The following DDIAS variants were observed in gnomAD, a reference collection of about 807,000 sequenced individuals.
DDIAS encodes DNA damage induced apoptosis suppressor.
A neutral mutation model predicts 15.7 loss-of-function variants in DDIAS; 14 were observed. The observed-to-expected ratio is 0.89, with a 90% CI of 0.59 to 1.39. The LOEUF is 1.39. Among genes scored for constraint, DDIAS ranks in the 40% most tolerant of loss-of-function variants. DDIAS has a pLI of 0.00. For missense variants in DDIAS, 1,035 were observed against 1,130.9 expected (o/e 0.92, Z 1.22); for synonymous variants, 355 against 395.9 (o/e 0.90, Z 1.23).
Position 82,933,996 on chromosome 11 carries a change from GA to G in DDIAS, c.2661del (p.Lys887AsnfsTer19), listed in dbSNP as rs866409690. 2.5e-6 allele frequency: 4 copies of G among 1,613,632 alleles called. No homozygotes were observed. In the East Asian group the frequency reaches 8.9e-5, roughly 36 times the overall value. On this transcript the variant is annotated frameshift_variant, in exon 6 of 6. Transcript: ENST00000533655. LOFTEE classifies it low-confidence loss of function (END_TRUNC). ...TTGGATTCCAAGGCATAGGTCTAGG[GA>G]AATGCCTTGCTGCCTATCATTTCCC... ...MLGFQGIGLG[K>X]CLAAYHFPDQ...
chr11:82,930,138 T>C lies in DDIAS; in HGVS notation c.276-19T>C, dbSNP rs75411967. 198 of 1,411,888 alleles carry C rather than the reference T, an allele frequency of 1.4e-4. No homozygotes were observed. The African/African-American group carries it at 2.6e-3, about 19-fold the overall frequency. The allele number at this position is 1,411,888 out of a possible 1,614,324, so 87.5% of individuals were successfully genotyped here. A position where few individuals can be genotyped will look rare whatever the true frequency, so the allele number is the denominator to read the frequency against. ...TCAAAGTTCATTGCTTCACATTTTT[T>C]ACTTTTTTTCCAATCAAGGTACATT... On this transcript the variant is annotated intron_variant, in intron 4 of 5. Transcript: ENST00000533655.
At chr11:82,918,733 CTA>C (rs1232788021) in intron 3 of DDIAS, among the ~76,000 whole-genome samples, 1 of 152,108 alleles carries the variant, frequency 6.6e-6, no homozygotes, top group Non-Finnish European at 1.5e-5. Flanking sequence ...ATTGTGTTGT[CTA>C]TGATTTCTTT....
At chr11:82,923,363 A>T (rs1442257413) in intron 3 of DDIAS, among the ~76,000 whole-genome samples, 2 of 152,166 alleles carry the variant, frequency 1.3e-5, no homozygotes, top group Non-Finnish European at 2.9e-5. Flanking sequence ...GAAATTCCTC[A>T]TGTTCATTTC....
chr11:82,919,693 G>C (rs1860705288), intron 3 of DDIAS, among the ~76,000 whole-genome samples: 1 of 152,144 alleles, frequency 6.6e-6, no homozygotes. Context: ...TTGAATGTCT[G>C]GTAGAATTCT....
Position 82,907,114 on chromosome 11 carries a change from A to T in DDIAS, c.-117+5292A>T, listed in dbSNP as rs1430667045. ...CTAGAAAAGAAGACTTCTAAGAAGG[A>T]TCTTAAAGAATAATAAGCATTACCA... On this transcript the variant is annotated intron_variant, in intron 1 of 5. Transcript: ENST00000533655. Among the ~76,000 whole-genome samples the T allele has an allele frequency of 3.9e-5, 6 of 152,186 alleles. No homozygotes were observed. The East Asian group carries it at 1.2e-3, about 29-fold the overall frequency.
intron 1 of DDIAS, among the ~76,000 whole-genome samples, chr11:82,904,130 C>T (rs73508438): frequency 0.021 from 3,180 of 152,280 alleles, 133 homozygotes; most frequent in African/African-American, 0.072. Context: ...AACTGTAAAG[C>T]AGTCAAATGA....
At chr11:82,929,735 C>T (rs1417227367) in intron 4 of DDIAS, among the ~76,000 whole-genome samples, 2 of 151,760 alleles carry the variant, frequency 1.3e-5, no homozygotes, top group Non-Finnish European at 2.9e-5. Context: ...TCTTCCCCCT[C>T]AGTCTTCTGC....
At chr11:82,924,862 AT>A (rs1263163785) in intron 3 of DDIAS, among the ~76,000 whole-genome samples, 1 of 152,132 alleles carries the variant, frequency 6.6e-6, no homozygotes, top group Non-Finnish European at 1.5e-5. Context: ...GAAACTTGGT[AT>A]TTTTTTAACT....
intron 3 of DDIAS, among the ~76,000 whole-genome samples, chr11:82,927,965 C>T (rs370713616): frequency 8.5e-5 from 13 of 152,162 alleles, no homozygotes; most frequent in East Asian, 5.8e-4. Context: ...TAGATGTGTA[C>T]TTTTTGACTA....
chr11:82,906,681 C>T lies in DDIAS; in HGVS notation c.-117+4859C>T, dbSNP rs573515442. ...CAGTATAAAATTCTGTTTTAGAGCC[C>T]TAAAGAAAATAGTCTCTGCTCACAA... On this transcript the variant is annotated intron_variant, in intron 1 of 5. Transcript: ENST00000533655. 7.2e-5 allele frequency among the ~76,000 whole-genome samples: 11 copies of T among 151,776 alleles called. 1 individual carries two copies. The South Asian group carries it at 2.3e-3, about 32-fold the overall frequency.
intron 3 of DDIAS, among the ~76,000 whole-genome samples, chr11:82,916,189 A>T (rs1860629884): frequency 6.6e-6 from 1 of 152,220 alleles, no homozygotes; most frequent in Non-Finnish European, 1.5e-5. Flanking sequence ...AGGTGGGATC[A>T]TGGTACCCAC....
chr11:82,915,814 A>G (rs1488317176), intron 3 of DDIAS, among the ~76,000 whole-genome samples: 1 of 152,190 alleles, frequency 6.6e-6, no homozygotes, highest in Non-Finnish European at 1.5e-5. Flanking sequence ...CATCTGAAAC[A>G]ACTAAAACCC....
chr11:82,901,885 A>G (rs954161162), intron 1 of DDIAS, 63 bp downstream of exon 1: 2 of 152,152 alleles, frequency 1.3e-5, no homozygotes, highest in African/African-American at 4.8e-5. Context: ...GAGGCTCTTA[A>G]CTTCATTATG....
At position 82,933,482 on chromosome 11, in the gene DDIAS, A is replaced by T. The variant is rs139126182; in HGVS notation, c.2144A>T (p.Glu715Val). 1.2e-6 allele frequency: 2 copies of T among 1,613,814 alleles called. No individual in the cohort carries two copies. The change falls in exon 6 of 6, where the codon GAG (glutamate) becomes GTG (valine). Residue 715 changes from glutamate to valine, a missense_variant. Glu to Val is a moderately radical substitution (Grantham distance 121). Transcript: ENST00000533655. ...TCTTTGGCAGAAAGTCACCCTTCAG[A>T]GTCTGATTTTTCACTGAGATCACTT... ...GTSLAESHPS[E>V]SDFSLRSLSE...
chr11:82,915,970 T>C (rs1860625906), intron 3 of DDIAS, among the ~76,000 whole-genome samples: 1 of 152,202 alleles, frequency 6.6e-6, no homozygotes. Context: ...AACGTTATAA[T>C]GATGTTGTTT....
intron 2 of DDIAS, chr11:82,913,810 T>C (rs1203845387): frequency 2.6e-6 from 1 of 388,306 alleles, no homozygotes; most frequent in Non-Finnish European, 5.0e-6. Context: ...GTCTTGTGAA[T>C]TTTGGATTTT....
At chr11:82,921,571 C>CTTTTTTTTTTTTTTTTTTTTT (rs968751055) in intron 3 of DDIAS, among the ~76,000 whole-genome samples, 2 of 78,132 alleles carry the variant, frequency 2.6e-5, no homozygotes, top group Non-Finnish European at 2.4e-5. Context: ...TTCTTTCTTT[C>CTTTTTTTTTTTTTTTTTTTTT]TTTTTTTTTT....
At chr11:82,914,923 C>A in intron 3 of DDIAS, 72 bp downstream of exon 3, 3 of 1,003,226 alleles carry the variant, frequency 3.0e-6, no homozygotes, top group South Asian at 3.3e-5. Context: ...GGCTCAAGGG[C>A]AAGGACCAGA....
intron 1 of DDIAS, among the ~76,000 whole-genome samples, chr11:82,904,266 A>G (rs1457243205): frequency 1.3e-5 from 2 of 152,214 alleles, no homozygotes; most frequent in African/African-American, 4.8e-5. Flanking sequence ...AGGATCTAAC[A>G]TAGAATAAGA....
Sources: gnomAD v4.1 joint callset for allele counts (sites outside exome capture counted in the v4.1 genomes callset) on GRCh38, gnomAD v4.1.1 for gene constraint, MANE v1.5 for transcripts, NCBI Gene and HGNC (gene_info 2026-07-23, HGNC 2026-07-21) for gene names.